Variants in SFMBT2 observed in about 807,000 individuals in gnomAD.
SFMBT2 encodes the protein scm-like with four MBT domains protein 2.
Under a neutral mutation model 110.1 loss-of-function variants are expected in SFMBT2, and 38 were observed. That is an observed-to-expected ratio of 0.35 (90% confidence interval 0.27 to 0.45). The LOEUF (loss-of-function observed/expected upper bound fraction) is 0.45, where lower values mean the gene tolerates loss of function less well. Among genes scored for constraint, SFMBT2 ranks in the 20% least tolerant of loss-of-function variants. The pLI, the probability that SFMBT2 is intolerant of heterozygous loss-of-function variation, is 1.00. For synonymous variants in SFMBT2, 425 were observed against 425.4 expected, an observed-to-expected ratio of 1.00 and a Z score of 0.01; for missense variants, 1,011 against 1,094.9, an observed-to-expected ratio of 0.92 and a Z score of 1.08.
At chr10:7,397,370 T>G (rs1431335906) in intron 1 of SFMBT2, among the ~76,000 whole-genome samples, 5 of 151,130 alleles carry the variant, frequency 3.3e-5, no homozygotes, top group Admixed American at 3.3e-4. Context: ...TGTTGTTGTT[T>G]TTTTGTTTTT....
At chr10:7,177,631 G>A (rs1170769223) in intron 16 of SFMBT2, among the ~76,000 whole-genome samples, 5 of 152,140 alleles carry the variant, frequency 3.3e-5, no homozygotes, top group African/African-American at 9.7e-5. Context: ...TTGGGAGGCC[G>A]AGGCAGGAGG....
intron 16 of SFMBT2, among the ~76,000 whole-genome samples, chr10:7,179,354 T>C (rs1838167974): frequency 1.5e-5 from 2 of 130,040 alleles, no homozygotes; most frequent in African/African-American, 5.9e-5. Context: ...GGACCCACGT[T>C]GGGGCGGTTC....
chr10:7,221,161 C>G (rs1377096485), intron 10 of SFMBT2, among the ~76,000 whole-genome samples: 1 of 152,092 alleles, frequency 6.6e-6, no homozygotes, highest in African/African-American at 2.4e-5. Flanking sequence ...GAAGTACACA[C>G]CATTTCCTCC....
intron 2 of SFMBT2, among the ~76,000 whole-genome samples, chr10:7,372,657 A>C (rs1845094569): frequency 6.6e-6 from 1 of 152,206 alleles, no homozygotes; most frequent in South Asian, 2.1e-4. Flanking sequence ...AAAACACCTC[A>C]GGGTGGTACC....
At chr10:7,245,127 C>T (rs989663924) in intron 8 of SFMBT2, among the ~76,000 whole-genome samples, 5 of 151,990 alleles carry the variant, frequency 3.3e-5, no homozygotes, top group African/African-American at 7.3e-5. Flanking sequence ...TCACTGCTAC[C>T]GGGGGGCACA....
chr10:7,287,651 C>G (rs1187894942), intron 4 of SFMBT2, among the ~76,000 whole-genome samples: 1 of 152,222 alleles, frequency 6.6e-6, no homozygotes, highest in East Asian at 1.9e-4. Context: ...GCAGCCCGGG[C>G]TCCACCCAGG....
intron 11 of SFMBT2, among the ~76,000 whole-genome samples, chr10:7,216,807 C>T (rs934162004): frequency 1.3e-5 from 2 of 152,184 alleles, no homozygotes; most frequent in Non-Finnish European, 2.9e-5. Flanking sequence ...TCAAATCTGT[C>T]TCCTTCCAAA....
At chr10:7,297,042 T>C (rs1239988608) in intron 4 of SFMBT2, among the ~76,000 whole-genome samples, 1 of 152,080 alleles carries the variant, frequency 6.6e-6, no homozygotes, top group Non-Finnish European at 1.5e-5. Flanking sequence ...GTCATGAGAG[T>C]ATCTATATAT....
intron 14 of SFMBT2, among the ~76,000 whole-genome samples, chr10:7,198,411 G>A (rs1838843467): frequency 6.6e-6 from 1 of 152,230 alleles, no homozygotes; most frequent in Non-Finnish European, 1.5e-5. Context: ...TCTTGCAGGT[G>A]AGTAAGAAGA....
chr10:7,282,498 G>A (rs997548733), intron 6 of SFMBT2, among the ~76,000 whole-genome samples: 3 of 152,140 alleles, frequency 2.0e-5, no homozygotes, highest in African/African-American at 4.8e-5. Context: ...TGAATCCCAG[G>A]GCAAACCCGG....
intron 2 of SFMBT2, among the ~76,000 whole-genome samples, chr10:7,373,239 A>G (rs952952276): frequency 6.6e-6 from 1 of 151,952 alleles, no homozygotes; most frequent in East Asian, 1.9e-4. Flanking sequence ...TCCTCTTTCC[A>G]TGTGATCTCT....
At chr10:7,340,655 C>CA (rs776262305) in intron 4 of SFMBT2, among the ~76,000 whole-genome samples, 2,532 of 86,754 alleles carry the variant, frequency 0.029, 73 homozygotes, top group African/African-American at 0.061. Context: ...GAACCTATCT[C>CA]AAAAAAAAAA....
chr10:7,407,010 G>C (rs1846234612), intron 1 of SFMBT2, among the ~76,000 whole-genome samples: 1 of 152,078 alleles, frequency 6.6e-6, no homozygotes. Context: ...GTGGAGAAGT[G>C]CGTGGGTGTC....
chr10:7,368,297 C>G, intron 3 of SFMBT2: 1 of 981,506 alleles, frequency 1.0e-6, no homozygotes, highest in Non-Finnish European at 1.2e-6. Flanking sequence ...CTCACAGGAC[C>G]ACATGATAGG....
rs531973672 is a variant in SFMBT2, at chr10:7,297,992, C to T, written c.437-12038G>A. Among the ~76,000 whole-genome samples the T allele has an allele frequency of 1.1e-4, 16 of 152,306 alleles. No homozygotes were observed. In the East Asian group the frequency reaches 2.9e-3, roughly 28 times the overall value. The stretch of plus-strand genomic sequence containing the variant: ...TCCACTCAGGGGGCTCTCACTTTTG[C>T]CCAAAGGCAGAATCCACCATCACTG... On this transcript the variant is annotated intron_variant, in intron 4 of 20. Coordinates refer to ENST00000397167, the MANE Select transcript of SFMBT2 (RefSeq NM_001387889.1).
intron 2 of SFMBT2, among the ~76,000 whole-genome samples, chr10:7,379,226 C>T (rs1845357488): frequency 6.6e-6 from 1 of 152,162 alleles, no homozygotes; most frequent in Non-Finnish European, 1.5e-5. Context: ...TAAGTCCCAT[C>T]TGAAAATGCT....
At position 7,318,880 on chromosome 10, in the gene SFMBT2, AG is replaced by A; in HGVS notation, c.437-32927del. 4.6e-5 allele frequency among the ~76,000 whole-genome samples: 7 copies of A among 152,372 alleles called. No individual in the cohort carries two copies. The South Asian group carries it at 1.4e-3, about 32-fold the overall frequency. On this transcript the variant is annotated intron_variant, in intron 4 of 20. Transcript: ENST00000397167. Reference sequence around the variant, plus strand: ...CATGAAAAAAATGACATTTTAGCAGAGACTTAAAGGAATTGAGAGTAAACCA... The same window carrying A: ...CATGAAAAAAATGACATTTTAGCAGAACTTAAAGGAATTGAGAGTAAACCA...
intron 16 of SFMBT2, among the ~76,000 whole-genome samples, chr10:7,177,856 T>TC (rs1362326887): frequency 9.0e-6 from 1 of 111,622 alleles, no homozygotes; most frequent in African/African-American, 2.6e-5. Flanking sequence ...GGGCTCTGTC[T>TC]CTTAAAAAAA....
chr10:7,312,718 G>C (rs1293412426), intron 4 of SFMBT2, among the ~76,000 whole-genome samples: 1 of 152,132 alleles, frequency 6.6e-6, no homozygotes, highest in Non-Finnish European at 1.5e-5. Context: ...TCTTCCTAAG[G>C]GGCGTTAGCG....
Sources: gnomAD v4.1 joint callset for allele counts (sites outside exome capture counted in the v4.1 genomes callset) on GRCh38, gnomAD v4.1.1 for gene constraint, MANE v1.5 for transcripts, NCBI Gene and HGNC (gene_info 2026-07-23, HGNC 2026-07-21) for gene names.